ALPK3: variants seen among roughly 807,000 people sequenced by gnomAD.
ALPK3 encodes the protein alpha-protein kinase 3.
A neutral mutation model predicts 140.0 loss-of-function variants in ALPK3; 102 were observed. The observed-to-expected ratio is 0.73, with a 90% CI of 0.62 to 0.86. The LOEUF is 0.86. Among genes scored for constraint, ALPK3 ranks in the 40% least tolerant of loss-of-function variants. The pLI, the probability that ALPK3 is intolerant of heterozygous loss-of-function variation, is 0.00. For synonymous variants in ALPK3, 938 were observed against 898.5 expected (o/e 1.04, Z -0.79); for missense variants, 2,254 against 2,208.2 (o/e 1.02, Z -0.42).
intron 1 of ALPK3, among the ~76,000 whole-genome samples, chr15:84,822,022 G>C (rs1963431261): frequency 6.6e-6 from 1 of 152,128 alleles, no homozygotes; most frequent in Non-Finnish European, 1.5e-5. Flanking sequence ...GTAGATCAGG[G>C]AGGGCCCTAC....
In ALPK3 at chr15:84,869,765, G is replaced by A. The variant is rs1964047511; in HGVS notation, c.*1309G>A. 6.5e-6 allele frequency: 1 copy of A among 152,724 alleles called. No individual in the cohort carries two copies. Among genetic ancestry groups the A allele is most frequent in the African/African-American group, 2.4e-5 (1 of 41,452 alleles). The allele number at this position is 152,724 out of a possible 1,614,324, so 9.5% of individuals were successfully genotyped here. A position where few individuals can be genotyped will look rare whatever the true frequency, so the allele number is the denominator to read the frequency against. On this transcript the variant is annotated 3_prime_UTR_variant, in exon 14 of 14. Coordinates refer to ENST00000258888, the MANE Select transcript of ALPK3 (RefSeq NM_020778.5). ...TGTGCCCTGCTTGCCCTCATCTGGT[G>A]TGGTTGGAGGTCTGTGGAGTCAAGG...
At chr15:84,832,051 A>G (rs1050225462) in intron 3 of ALPK3, among the ~76,000 whole-genome samples, 10 of 152,190 alleles carry the variant, frequency 6.6e-5, no homozygotes, top group African/African-American at 2.4e-4. Context: ...ACATTTCCAA[A>G]TAATAAACTT....
intron 2 of ALPK3, among the ~76,000 whole-genome samples, chr15:84,826,211 T>C (rs1170300229): frequency 6.6e-6 from 1 of 152,124 alleles, no homozygotes; most frequent in East Asian, 1.9e-4. Context: ...AAAAGATACA[T>C]CGAATGTGGA....
chr15:84,817,639 C>A, intron 1 of ALPK3, 44 bp downstream of exon 1: 1 of 1,461,774 alleles, frequency 6.8e-7, no homozygotes, highest in Non-Finnish European at 9.0e-7. Context: ...CCGGCGATGC[C>A]CTGGGATCAG....
intron 2 of ALPK3, among the ~76,000 whole-genome samples, chr15:84,824,098 T>A (rs947922946): frequency 1.3e-5 from 2 of 152,234 alleles, no homozygotes; most frequent in African/African-American, 4.8e-5. Context: ...AACTGCCTTT[T>A]AAAATTTTTT....
At position 84,869,188 on chromosome 15, in the gene ALPK3, T is replaced by A. The variant is rs955527197; in HGVS notation, c.*732T>A. On this transcript the variant is annotated 3_prime_UTR_variant, in exon 14 of 14. Transcript: ENST00000258888. ...CCCAGCTGCAGCCTGCTGCCTGCCC[T>A]TCATGGCTCTGCACATGGCCCTTTG... The A allele has an allele frequency of 2.6e-5, 4 of 153,334 alleles. No homozygotes were observed. The highest frequency in any genetic ancestry group is 9.6e-5 in the African/African-American group (4 of 41,470). The allele number at this position is 153,334 out of a possible 1,614,324, so 9.5% of individuals were successfully genotyped here.
At chr15:84,848,541 A>C (rs1011144005) in intron 5 of ALPK3, among the ~76,000 whole-genome samples, 1 of 152,314 alleles carries the variant, frequency 6.6e-6, no homozygotes, top group African/African-American at 2.4e-5. Context: ...AGGCAAGAAT[A>C]GGGAAACACA....
At position 84,857,772 on chromosome 15, in the gene ALPK3, A is replaced by G; in HGVS notation, c.3034A>G (p.Arg1012Gly). Residue 1012 changes from arginine to glycine, a missense_variant, in exon 6 of 14, where the codon AGG becomes GGG. By Grantham distance (125) the Arg-to-Gly change is moderately radical (BLOSUM62 -2). Coordinates refer to ENST00000258888, the MANE Select transcript of ALPK3 (RefSeq NM_020778.5). ...GGCTGGGCTTAGTCCCCGGACATCG[A>G]GGCGCATCCTGGAGCGTGTGGAGAA... ...EVAGLSPRTS[R>G]RILERVENNH... The G allele has an allele frequency of 6.2e-7, 1 of 1,612,892 alleles. No individual in the cohort carries two copies. The highest frequency in any genetic ancestry group is 8.5e-7 in the Non-Finnish European group (1 of 1,179,240).
Position 84,839,901 on chromosome 15 carries a change from G to A in ALPK3, c.622G>A (p.Gly208Arg). The A allele has an allele frequency of 6.2e-7, 1 of 1,613,932 alleles. No individual in the cohort carries two copies. Among genetic ancestry groups the A allele is most frequent in the Non-Finnish European group, 8.5e-7 (1 of 1,179,910 alleles). Reference sequence around the variant, plus strand: ...CTGGAAGCACGAGAAGGCGGTGCCTGGGGAGGTCGACACTCTGCGCAAGCT... The same window carrying A: ...CTGGAAGCACGAGAAGGCGGTGCCTAGGGAGGTCGACACTCTGCGCAAGCT... Reference protein sequence around the residue: ...QSWKHEKAVPGEVDTLRKLSP... With the variant: ...QSWKHEKAVPREVDTLRKLSP... Residue 208 changes from glycine (G) to arginine (R), a missense_variant, in exon 5 of 14, where the codon GGG (glycine) becomes AGG (arginine). Around this residue, in one of 3 missense-constraint regions of ALPK3, gnomAD observed 2,088 missense variants for 2,022.9 expected, o/e 1.03. Transcript: ENST00000258888.
In ALPK3 at chr15:84,858,312, T is replaced by C. The variant is rs1596156117; in HGVS notation, c.3574T>C (p.Ser1192Pro). The C allele has an allele frequency of 2.6e-6, 4 of 1,566,750 alleles. No homozygotes were observed. Among genetic ancestry groups the C allele is most frequent in the East Asian group, 4.8e-5 (2 of 41,944 alleles). The change falls in exon 6 of 14, where the codon TCC becomes CCC. Residue 1192 changes from serine to proline, a missense_variant. This residue lies in a region of ALPK3 where 2,088 missense variants were observed against 2,022.9 expected (regional missense o/e 1.03). Transcript: ENST00000258888. The stretch of plus-strand genomic sequence containing the variant: ...TGAAGAAAGGGAGAGCCCCACGGTT[T>C]CCCCCCGGGGGCCCAGGAAAAGCCT... Reference protein sequence around the residue: ...TPEERESPTVSPRGPRKSLVP... With the variant: ...TPEERESPTVPPRGPRKSLVP...
In ALPK3 at chr15:84,868,932, T is replaced by C. The variant is rs1230615654; in HGVS notation, c.*476T>C. 2.3e-5 allele frequency: 4 copies of C among 171,034 alleles called. No homozygotes were observed. Among genetic ancestry groups the C allele is most frequent in the Non-Finnish European group, 5.1e-5 (4 of 77,988 alleles). 10.6% of individuals were successfully genotyped at this position (171,034 alleles called of 1,614,324 possible). A position where few individuals can be genotyped will look rare whatever the true frequency, so the allele number is the denominator to read the frequency against. ...CAGGGATCCAGACTTCCTCTGCTGG[T>C]CTGGCCTGGTGACTCTCAGGGTATC... On this transcript the variant is annotated 3_prime_UTR_variant, in exon 14 of 14. Transcript: ENST00000258888.
rs756569439 is a variant in ALPK3, at chr15:84,840,857, G to A, written c.1578G>A (p.Thr526=). The A allele has an allele frequency of 5.0e-6, 8 of 1,613,858 alleles. No individual in the cohort carries two copies. The Admixed American group carries it at 6.7e-5, about 13-fold the overall frequency. The change falls in exon 5 of 14, where the codon ACG becomes ACA. Residue 526 remains threonine, a synonymous_variant. Coordinates refer to ENST00000258888, the MANE Select transcript of ALPK3 (RefSeq NM_020778.5). The stretch of plus-strand genomic sequence containing the variant: ...CTCAGGCCTCTGTGCAGGTGCCGAC[G>A]CCCCCTGCCCGGCGGAGACATGGCA... ...APPQASVQVP[T]PPARRRHGTR... is the part of the protein sequence containing the mutation.
chr15:84,845,341 C>G (rs947392217), intron 5 of ALPK3, among the ~76,000 whole-genome samples: 5 of 152,186 alleles, frequency 3.3e-5, no homozygotes, highest in African/African-American at 1.2e-4. Flanking sequence ...CCCCTCTATT[C>G]AGAGGAGCTG....
At chr15:84,829,082 A>C (rs1452224029) in intron 3 of ALPK3, among the ~76,000 whole-genome samples, 1 of 152,240 alleles carries the variant, frequency 6.6e-6, no homozygotes, top group Non-Finnish European at 1.5e-5. Context: ...TAAAAGGCAT[A>C]TTTCAAAATA....
Position 84,833,983 on chromosome 15 carries a change from G to GTA in ALPK3, c.305-4996_305-4995insAT, listed in dbSNP as rs1395699045. 2.4e-3 allele frequency among the ~76,000 whole-genome samples: 369 copies of GTA among 152,034 alleles called. 2 individuals carry two copies. The highest frequency in any genetic ancestry group is 2.4e-3 in the Non-Finnish European group (163 of 67,960). On this transcript the variant is annotated intron_variant, in intron 3 of 13. Coordinates refer to ENST00000258888, the MANE Select transcript of ALPK3 (RefSeq NM_020778.5). Reference sequence around the variant, plus strand: ...TGTGTGTGTGTGTGTGTGTGTGTGTGTGTGTTTGCATGTGGGTGCACATGT... The same window carrying GTA: ...TGTGTGTGTGTGTGTGTGTGTGTGTGTATGTGTTTGCATGTGGGTGCACATGT...
chr15:84,854,766 G>A (rs1963841753), intron 5 of ALPK3, among the ~76,000 whole-genome samples: 1 of 152,090 alleles, frequency 6.6e-6, no homozygotes, highest in Admixed American at 6.5e-5. Flanking sequence ...TTTCGTGCTG[G>A]CTGTGTTGTT....
Position 84,867,352 on chromosome 15 carries a change from A to G in ALPK3, c.4759A>G (p.Thr1587Ala). Residue 1587 changes from threonine (T) to alanine (A), a missense_variant, in exon 13 of 14, where the codon ACC (threonine) becomes GCC (alanine). Physicochemically the swap from Thr to Ala is moderately conservative, Grantham distance 58 (BLOSUM62 0). This residue lies in a region of ALPK3 where 158 missense variants were observed against 159.8 expected (regional missense o/e 0.99). Transcript: ENST00000258888. Reference sequence around the variant, plus strand: ...GAAGATGACTGATGTGCAGATTGCTACCAAACTCCGAGGGTGAGTGGTTCT... The same window carrying G: ...GAAGATGACTGATGTGCAGATTGCTGCCAAACTCCGAGGGTGAGTGGTTCT... Reference protein sequence around the residue: ...DWKMTDVQIATKLRGYQGLKE... With the variant: ...DWKMTDVQIAAKLRGYQGLKE... 6.2e-7 allele frequency: 1 copy of G among 1,613,954 alleles called. No individual in the cohort carries two copies. The highest frequency in any genetic ancestry group is 8.5e-7 in the Non-Finnish European group (1 of 1,179,948).
intron 1 of ALPK3, among the ~76,000 whole-genome samples, chr15:84,822,920 T>C (rs1963443039): frequency 6.6e-6 from 1 of 152,234 alleles, no homozygotes; most frequent in African/African-American, 2.4e-5. Context: ...TTTCCAGGAA[T>C]GGGGCTCTTT....
chr15:84,860,337 C>T (rs991686090), intron 9 of ALPK3, among the ~76,000 whole-genome samples: 8 of 152,150 alleles, frequency 5.3e-5, no homozygotes, highest in African/African-American at 1.2e-4. Context: ...AGGGCAGAAC[C>T]GGCCACCAGG....
Sources: allele counts gnomAD v4.1 joint callset (sites outside exome capture counted in the v4.1 genomes callset), GRCh38; gene constraint gnomAD v4.1.1; regional missense constraint gnomAD v4.1.1; transcripts MANE v1.5; gene names NCBI Gene and HGNC (gene_info 2026-07-23, HGNC 2026-07-21).